The following EMC2 variants were observed in gnomAD, a reference collection of about 807,000 sequenced individuals.
EMC2 encodes TPR repeat protein 35.
Under a neutral mutation model 51.6 loss-of-function variants are expected in EMC2, and 37 were observed. The ratio of observed to expected loss-of-function variants is 0.72; its 90% CI spans 0.55 to 0.94. The LOEUF is 0.94. Ranked by LOEUF, EMC2 falls within the 40% of genes least tolerant of loss-of-function variation. The pLI is 0.00. For missense variants in EMC2, 359 were observed against 350.9 expected, an observed-to-expected ratio of 1.02 and a Z score of -0.18; for synonymous variants, 131 against 112.4, an observed-to-expected ratio of 1.17 and a Z score of -1.04.
chr8:108,486,421 G>A, intron 10 of EMC2, 91 bp from the exon 11 acceptor site: 4 of 1,406,532 alleles, frequency 2.8e-6, no homozygotes, highest in South Asian at 1.6e-5. Context: ...AATAGTCAAT[G>A]TTAAGTTTCA....
At chr8:108,484,387 T>C (rs940759245) in intron 10 of EMC2, among the ~76,000 whole-genome samples, 1 of 152,076 alleles carries the variant, frequency 6.6e-6, no homozygotes, top group Non-Finnish European at 1.5e-5. Context: ...CTTTCTTTTA[T>C]TTGTTCTGAC....
At chr8:108,467,533 TG>T (rs1810754973) in intron 5 of EMC2, among the ~76,000 whole-genome samples, 1 of 151,930 alleles carries the variant, frequency 6.6e-6, no homozygotes, top group Non-Finnish European at 1.5e-5. Context: ...GTTTGATTTG[TG>T]GCATTTGTAT....
intron 8 of EMC2, 39 bp downstream of exon 8, chr8:108,476,002 G>A (rs1398944496): frequency 8.5e-7 from 1 of 1,173,938 alleles, no homozygotes; most frequent in Admixed American, 2.3e-5. Context: ...ATTTTATTTT[G>A]GTTACTATTC....
chr8:108,475,924 T>C lies in EMC2; in HGVS notation c.552T>C (p.Thr184=), dbSNP rs374424505. Residue 184 remains threonine (T), a synonymous_variant, in exon 8 of 11, where the codon ACT becomes ACC. Coordinates refer to ENST00000220853, the MANE Select transcript of EMC2 (RefSeq NM_014673.5). ...TTTGTTTAGAGGAACTAATGATGAC[T>C]AATCCACACAACCACTTATACTGTC... ...AAFCLEELMM[T]NPHNHLYCQQ... The C allele has an allele frequency of 5.0e-5, 80 of 1,601,412 alleles. No individual in the cohort carries two copies. The highest frequency in any genetic ancestry group is 6.4e-5 in the Non-Finnish European group (75 of 1,173,144).
At chr8:108,451,159 T>C (rs1819009162) in intron 3 of EMC2, among the ~76,000 whole-genome samples, 1 of 151,588 alleles carries the variant, frequency 6.6e-6, no homozygotes, top group Admixed American at 6.6e-5. Flanking sequence ...GCTGAGATTG[T>C]GCCACTGCAC....
chr8:108,443,795 T>G (rs1818809789), intron 1 of EMC2, 97 bp downstream of exon 1: 1 of 1,089,842 alleles, frequency 9.2e-7, no homozygotes, highest in African/African-American at 1.6e-5. Context: ...CTCTGGTGTC[T>G]TTTTGGTACC....
intron 5 of EMC2, among the ~76,000 whole-genome samples, chr8:108,457,372 G>C (rs894115828): frequency 2.2e-5 from 3 of 139,396 alleles, no homozygotes; most frequent in Non-Finnish European, 3.1e-5. Flanking sequence ...GTGTGTGTGT[G>C]TCTATGTATT....
chr8:108,457,954 G>A (rs1353050389), intron 5 of EMC2, among the ~76,000 whole-genome samples: 16 of 152,178 alleles, frequency 1.1e-4, no homozygotes, highest in African/African-American at 3.4e-4. Context: ...TCAAAGGCAA[G>A]TTAGTTACTT....
intron 5 of EMC2, among the ~76,000 whole-genome samples, chr8:108,459,629 C>T (rs1322434833): frequency 6.6e-6 from 1 of 151,746 alleles, no homozygotes; most frequent in East Asian, 1.9e-4. Context: ...TCACTGGGTT[C>T]TTCCCATGAT....
chr8:108,476,553 A>G (rs1030029201), intron 8 of EMC2, among the ~76,000 whole-genome samples: 1 of 151,940 alleles, frequency 6.6e-6, no homozygotes, highest in Non-Finnish European at 1.5e-5. Context: ...TTGTTTTAGA[A>G]ACTACTCAGT....
intron 4 of EMC2, among the ~76,000 whole-genome samples, chr8:108,454,355 C>T (rs28782940): frequency 0.51 from 77,187 of 151,804 alleles, 20,148 homozygotes; most frequent in Middle Eastern, 0.61. Flanking sequence ...TTCTCTCTCT[C>T]AGTGTATCAG....
At chr8:108,473,404 C>T (rs954741477) in intron 7 of EMC2, among the ~76,000 whole-genome samples, 18 of 151,970 alleles carry the variant, frequency 1.2e-4, no homozygotes, top group Middle Eastern at 3.4e-3. Flanking sequence ...GGGATTTTTG[C>T]GTTAGGGATG....
chr8:108,448,463 G>A (rs1350426310), intron 1 of EMC2, among the ~76,000 whole-genome samples: 4 of 152,190 alleles, frequency 2.6e-5, no homozygotes, highest in Non-Finnish European at 4.4e-5. Context: ...GAATCATGGG[G>A]ACAGGTCTTT....
At position 108,453,085 on chromosome 8, in the gene EMC2, A is replaced by G; in HGVS notation, c.243A>G (p.Arg81=). Residue 81 remains arginine, a synonymous_variant, in exon 4 of 11, where the codon AGA becomes AGG. Coordinates refer to ENST00000220853, the MANE Select transcript of EMC2 (RefSeq NM_014673.5). The part of the protein sequence containing the change: ...LALFCLQELR[R]QFPGSHRVKR... ...AGTTTTGTCTTCAAGAGCTGAGAAG[A>G]CAGTTCCCTGGCAGTCACAGAGTCA... 6.2e-7 allele frequency: 1 copy of G among 1,603,612 alleles called. No homozygotes were observed. Among genetic ancestry groups the G allele is most frequent in the Non-Finnish European group, 8.5e-7 (1 of 1,174,860 alleles).
chr8:108,454,956 C>A (rs1819115894), intron 4 of EMC2, among the ~76,000 whole-genome samples: 1 of 151,918 alleles, frequency 6.6e-6, no homozygotes, highest in African/African-American at 2.4e-5. Flanking sequence ...ATCCTTGTAC[C>A]TGTATAAGTA....
chr8:108,460,230 C>T (rs2130363969), intron 5 of EMC2, among the ~76,000 whole-genome samples: 1 of 152,294 alleles, frequency 6.6e-6, no homozygotes, highest in East Asian at 1.9e-4. Context: ...GATTCTGTCT[C>T]AGTTTACATT....
At chr8:108,450,227 G>A (rs961320885) in intron 2 of EMC2, among the ~76,000 whole-genome samples, 3 of 152,060 alleles carry the variant, frequency 2.0e-5, no homozygotes, top group Non-Finnish European at 4.4e-5. Flanking sequence ...TAAATAATTG[G>A]AGATTTTAAC....
intron 7 of EMC2, chr8:108,475,439 G>A (rs1266663539): frequency 6.5e-6 from 1 of 152,942 alleles, no homozygotes; most frequent in East Asian, 1.9e-4. Context: ...ATATATGCCT[G>A]TGAAGAATTT....
chr8:108,480,919 T>C lies in EMC2; in HGVS notation c.807+1809T>C, dbSNP rs76810775. The stretch of plus-strand genomic sequence containing the variant: ...TCTTTGTTTTGGAGCTTATGAAGAC[T>C]TCTAGGCCATTGGCAGCTGCATCAT... On this transcript the variant is annotated intron_variant, in intron 10 of 10. Coordinates refer to ENST00000220853, the MANE Select transcript of EMC2 (RefSeq NM_014673.5). Among the ~76,000 whole-genome samples, 3 of 152,176 alleles carry C rather than the reference T, an allele frequency of 2.0e-5. No individual in the cohort carries two copies. The East Asian group carries it at 5.8e-4, about 29-fold the overall frequency.
Sources: allele counts gnomAD v4.1 joint callset (sites outside exome capture counted in the v4.1 genomes callset), GRCh38; gene constraint gnomAD v4.1.1; transcripts MANE v1.5; gene names NCBI Gene and HGNC (gene_info 2026-07-23, HGNC 2026-07-21).